FMN1: variants seen among roughly 807,000 people sequenced by gnomAD.
FMN1 encodes the protein formin 1.
A neutral mutation model predicts 132.4 loss-of-function variants in FMN1; 110 were observed. That is an observed-to-expected ratio of 0.83 (90% CI 0.71 to 0.97). The LOEUF (loss-of-function observed/expected upper bound fraction) is 0.97. Ranked by LOEUF, FMN1 falls within the 50% of genes least tolerant of loss-of-function variation. The pLI is 0.00. For missense variants in FMN1, 1,792 were observed against 1,705.3 expected, an observed-to-expected ratio of 1.05 and a Z score of -0.90; for synonymous variants, 722 against 651.7, an observed-to-expected ratio of 1.11 and a Z score of -1.64.
chr15:33,012,841 GGCTATAATGAATTT>G (rs1342298707), intron 6 of FMN1: 2 of 621,092 alleles, frequency 3.2e-6, no homozygotes, highest in African/African-American at 3.6e-5. Context: ...CAGTGGGGGT[GGCTATAATGAATTT>G]GGTAATGATG....
chr15:33,040,401 C>A (rs1286869099), intron 6 of FMN1, among the ~76,000 whole-genome samples: 1 of 152,156 alleles, frequency 6.6e-6, no homozygotes, highest in Non-Finnish European at 1.5e-5. Flanking sequence ...ACCTAACCCA[C>A]CTTCACAGTG....
At chr15:32,961,411 G>A (rs538240041) in intron 9 of FMN1, among the ~76,000 whole-genome samples, 2 of 152,116 alleles carry the variant, frequency 1.3e-5, no homozygotes, top group African/African-American at 4.8e-5. Flanking sequence ...TAGGATTATA[G>A]GCATGAGCCA....
At chr15:32,834,163 T>G (rs1157407249) in intron 17 of FMN1, among the ~76,000 whole-genome samples, 1 of 152,216 alleles carries the variant, frequency 6.6e-6, no homozygotes, top group African/African-American at 2.4e-5. Flanking sequence ...GATGGTAAAC[T>G]CTTTTCTTAA....
chr15:33,107,968 T>C (rs1030372502), intron 4 of FMN1, among the ~76,000 whole-genome samples: 3 of 152,114 alleles, frequency 2.0e-5, no homozygotes, highest in African/African-American at 4.8e-5. Context: ...TCTTCTATCA[T>C]GAAAATAACA....
At chr15:32,806,324 A>C (rs1319375414) in intron 17 of FMN1, among the ~76,000 whole-genome samples, 1 of 152,224 alleles carries the variant, frequency 6.6e-6, no homozygotes, top group East Asian at 1.9e-4. Flanking sequence ...AGTTAAGACC[A>C]AATGCTTAGT....
At position 33,111,652 on chromosome 15, in the gene FMN1, A is replaced by G. The variant is rs199909931; in HGVS notation, c.1868-22678T>C. On this transcript the variant is annotated intron_variant, in intron 4 of 20. Coordinates refer to ENST00000616417, the MANE Select transcript of FMN1 (RefSeq NM_001277313.2). ...AGGAGTATCTTTTGCCTATAAAAAAATCTCAAAAACATGCTAAGTAGATGT... is the reference window on the plus strand; with the variant it reads ...AGGAGTATCTTTTGCCTATAAAAAAGTCTCAAAAACATGCTAAGTAGATGT... 2.6e-5 allele frequency among the ~76,000 whole-genome samples: 4 copies of G among 152,290 alleles called. No homozygotes were observed. The East Asian group carries it at 7.7e-4, about 29-fold the overall frequency.
At chr15:32,841,551 T>C (rs1258226003) in intron 17 of FMN1, among the ~76,000 whole-genome samples, 1 of 152,128 alleles carries the variant, frequency 6.6e-6, no homozygotes, top group African/African-American at 2.4e-5. Context: ...AGAAGCGGAG[T>C]AGAAAACTGC....
chr15:32,949,134 TAACTC>T (rs1368656529), intron 9 of FMN1, among the ~76,000 whole-genome samples: 10 of 152,228 alleles, frequency 6.6e-5, no homozygotes, highest in South Asian at 2.1e-4. Context: ...ATTACTTTCT[TAACTC>T]AATTTATTTA....
intron 4 of FMN1, among the ~76,000 whole-genome samples, chr15:33,141,625 G>A (rs1964013934): frequency 6.6e-6 from 1 of 152,168 alleles, no homozygotes; most frequent in South Asian, 2.1e-4. Context: ...TGGAGACTGG[G>A]ATGGCCCTTC....
intron 6 of FMN1, among the ~76,000 whole-genome samples, chr15:33,021,446 T>C (rs992692065): frequency 2.0e-5 from 3 of 151,346 alleles, no homozygotes. Context: ...TCTCTATGCA[T>C]ACACACACAC....
At chr15:33,042,374 T>A (rs1566858360) in intron 6 of FMN1, among the ~76,000 whole-genome samples, 1 of 152,162 alleles carries the variant, frequency 6.6e-6, no homozygotes, top group Non-Finnish European at 1.5e-5. Flanking sequence ...ATTTCATAGC[T>A]CTTGAGAAAA....
At chr15:32,989,775 A>G (rs113240639) in intron 7 of FMN1, among the ~76,000 whole-genome samples, 2,789 of 152,268 alleles carry the variant, frequency 0.018, 73 homozygotes, top group African/African-American at 0.062. Flanking sequence ...CAGTGAGTAT[A>G]TATGAAACCA....
At chr15:33,121,725 C>T (rs1427241753) in intron 4 of FMN1, among the ~76,000 whole-genome samples, 2 of 152,090 alleles carry the variant, frequency 1.3e-5, no homozygotes, top group Non-Finnish European at 2.9e-5. Flanking sequence ...GACAAGATTT[C>T]ACCATGTTGG....
chr15:33,175,587 A>G (rs1965487774), intron 3 of FMN1, among the ~76,000 whole-genome samples: 1 of 152,238 alleles, frequency 6.6e-6, no homozygotes. Context: ...TTAAATAAAG[A>G]AATGAATCTT....
Position 32,910,519 on chromosome 15 carries a change from A to T in FMN1, c.3243T>A (p.Asp1081Glu). 6.3e-7 allele frequency: 1 copy of T among 1,574,818 alleles called. No individual in the cohort carries two copies. The highest frequency in any genetic ancestry group is 8.6e-7 in the Non-Finnish European group (1 of 1,159,472). The change falls in exon 11 of 21, where the codon GAT becomes GAA. Residue 1081 changes from aspartate (D) to glutamate (E), a missense_variant. Physicochemically the swap from Asp to Glu is conservative, Grantham distance 45. Coordinates refer to ENST00000616417, the MANE Select transcript of FMN1 (RefSeq NM_001277313.2). ...GGGTCTCCAGATCAACCACGGAGTC[A>T]TCCACATTGAAAATGGCTGCCAAGC... is the stretch of plus-strand genomic sequence containing the variant. The part of the protein sequence containing the change: ...KDIQQAIFNV[D>E]DSVVDLETLA...
Position 33,169,170 on chromosome 15 carries a change from A to C in FMN1, c.-132+11028T>G, listed in dbSNP as rs114510363. Among the ~76,000 whole-genome samples the C allele has an allele frequency of 9.6e-4, 146 of 152,342 alleles. 1 individual carries two copies. Among genetic ancestry groups the C allele is most frequent in the African/African-American group, 3.4e-3 (141 of 41,574 alleles). On this transcript the variant is annotated intron_variant, in intron 3 of 20. Transcript: ENST00000616417. Reference sequence around the variant, plus strand: ...GCTCAATAGAAAGGCAAAAACATAAAAAGGACATTACTTATTAGAATGACT... The same window carrying C: ...GCTCAATAGAAAGGCAAAAACATAACAAGGACATTACTTATTAGAATGACT...
At chr15:32,980,179 G>A (rs2032538980) in intron 7 of FMN1, among the ~76,000 whole-genome samples, 1 of 148,840 alleles carries the variant, frequency 6.7e-6, no homozygotes, top group South Asian at 2.1e-4. Context: ...CTAGCCAAAA[G>A]GCACACTCGT....
At chr15:32,975,633 A>AT (rs140250536) in intron 7 of FMN1, among the ~76,000 whole-genome samples, 32 of 150,020 alleles carry the variant, frequency 2.1e-4, no homozygotes, top group Admixed American at 4.7e-4. Flanking sequence ...AAACATCCAA[A>AT]TTTTTTTTTT....
At chr15:33,048,651 C>CAAA (rs1338668794) in intron 6 of FMN1, among the ~76,000 whole-genome samples, 2 of 120,134 alleles carry the variant, frequency 1.7e-5, no homozygotes, top group Middle Eastern at 4.4e-3. Context: ...AAAAAAAAAC[C>CAAA]AACAGTTTAA....
Sources: allele counts gnomAD v4.1 joint callset (sites outside exome capture counted in the v4.1 genomes callset), GRCh38; gene constraint gnomAD v4.1.1; transcripts MANE v1.5; gene names NCBI Gene and HGNC (gene_info 2026-07-23, HGNC 2026-07-21).